Variants in SAG observed in about 807,000 individuals in gnomAD.
SAG encodes S-arrestin.
A neutral mutation model predicts 55.0 loss-of-function variants in SAG; 45 were observed. That is an observed-to-expected ratio of 0.82 (90% CI 0.64 to 1.05). The LOEUF is 1.05. Ranked by LOEUF, SAG falls within the 50% of genes least tolerant of loss-of-function variation. The pLI is 0.00. For missense variants in SAG, 455 were observed against 512.1 expected, an observed-to-expected ratio of 0.89 and a Z score of 1.08; for synonymous variants, 189 against 197.4, an observed-to-expected ratio of 0.96 and a Z score of 0.36.
At chr2:233,309,649 A>C (rs1700023702) in intron 2 of SAG, among the ~76,000 whole-genome samples, 1 of 151,276 alleles carries the variant, frequency 6.6e-6, no homozygotes, top group African/African-American at 2.4e-5. Flanking sequence ...TGTCTCAAAT[A>C]AAAAACAAAC....
At chr2:233,321,947 A>T (rs1486786374) in intron 5 of SAG, among the ~76,000 whole-genome samples, 1 of 150,912 alleles carries the variant, frequency 6.6e-6, no homozygotes, top group Non-Finnish European at 1.5e-5. Flanking sequence ...GATTGAGACC[A>T]TCTTGGCTAA....
At chr2:233,315,954 C>A in intron 2 of SAG, 121 bp from the exon 3 acceptor site, 1 of 643,186 alleles carries the variant, frequency 1.6e-6, no homozygotes, top group Non-Finnish European at 2.8e-6. Context: ...CCCGCCTTGG[C>A]CTCCCAAAGT....
chr2:233,321,890 C>G (rs1700389548), intron 5 of SAG, among the ~76,000 whole-genome samples: 1 of 151,874 alleles, frequency 6.6e-6, no homozygotes, highest in African/African-American at 2.4e-5. Flanking sequence ...GACAATATGT[C>G]AACACGTATT....
intron 1 of SAG, among the ~76,000 whole-genome samples, chr2:233,308,674 G>T (rs1406878496): frequency 6.6e-6 from 1 of 152,002 alleles, no homozygotes; most frequent in African/African-American, 2.4e-5. Flanking sequence ...TGATCCTCTC[G>T]CTTCAGCCTC....
At position 233,340,466 on chromosome 2, in the gene SAG, A is replaced by C; in HGVS notation, c.1034A>C (p.Glu345Ala). Residue 345 changes from glutamate to alanine, a missense_variant, in exon 13 of 16, where the codon GAG becomes GCG. Transcript: ENST00000409110. The surrounding 1 kb of genome is among the most constrained non-coding windows in gnomAD (Gnocchi z 4.2). ...VKLTVSGFLG[E>A]LTSSEVATEV... ...TTTGTGTTTTCTAGCTTTCTGGGAG[A>C]GCTCACCTCCAGGTAAGCCTGTTCA... 1 of 1,611,120 alleles carries C rather than the reference A, an allele frequency of 6.2e-7. No homozygotes were observed. The highest frequency in any genetic ancestry group is 8.5e-7 in the Non-Finnish European group (1 of 1,178,456).
chr2:233,314,981 T>C (rs1028888781), intron 2 of SAG, among the ~76,000 whole-genome samples: 8 of 152,224 alleles, frequency 5.3e-5, no homozygotes, highest in Admixed American at 5.2e-4. Context: ...CTGTGTGTCC[T>C]AGACTCTGCA....
intron 2 of SAG, among the ~76,000 whole-genome samples, chr2:233,311,151 C>T (rs1269796562): frequency 1.3e-5 from 2 of 152,130 alleles, no homozygotes; most frequent in Admixed American, 6.5e-5. Context: ...ATTCCTGTCT[C>T]ATGTATTCAG....
intron 11 of SAG, among the ~76,000 whole-genome samples, chr2:233,336,010 A>G (rs1172198909): frequency 2.6e-5 from 4 of 152,266 alleles, no homozygotes; most frequent in Admixed American, 2.6e-4. Flanking sequence ...CAATTGGCAG[A>G]AAGCAGGTGG....
intron 6 of SAG, among the ~76,000 whole-genome samples, chr2:233,324,208 G>A (rs761584322): frequency 6.6e-5 from 10 of 152,062 alleles, no homozygotes; most frequent in African/African-American, 2.2e-4. Flanking sequence ...CCCGGGCAAC[G>A]TGGCGAGACC....
At chr2:233,313,986 G>A (rs1364073350) in intron 2 of SAG, among the ~76,000 whole-genome samples, 6 of 151,940 alleles carry the variant, frequency 3.9e-5, no homozygotes, top group Admixed American at 6.6e-5. Flanking sequence ...CTGGAAGGCC[G>A]AGGTGGGTGG....
rs1326630887 is a variant in SAG, at chr2:233,319,519, CAACATCAAGGA to C, written c.181+726_181+736del. On this transcript the variant is annotated intron_variant, in intron 4 of 15. Transcript: ENST00000409110. This position sits in a 1 kb window ranked among gnomAD's most constrained non-coding sequence, Gnocchi z 4.4. ...ATGCCTTTTTGAGTGTTGCTACTGG[CAACATCAAGGA>C]ATTGTTCAGAACCCTGGATGTGCCA... The C allele has an allele frequency of 2.4e-5, 22 of 905,384 alleles. No homozygotes were observed. The highest frequency in any genetic ancestry group is 2.8e-5 in the Non-Finnish European group (21 of 754,646). The allele number at this position is 905,384 out of a possible 1,614,324, so 56.1% of individuals were successfully genotyped here.
intron 8 of SAG, chr2:233,329,252 T>C (rs1418823367): frequency 4.2e-6 from 2 of 473,952 alleles, no homozygotes; most frequent in Non-Finnish European, 7.7e-6. Context: ...CATAACCTCC[T>C]GACCCCTGGC....
intron 14 of SAG, chr2:233,342,596 T>A (rs1321527044): frequency 2.2e-6 from 1 of 460,674 alleles, no homozygotes; most frequent in Non-Finnish European, 3.9e-6. Context: ...GGTTTTATCA[T>A]GAATGATTTA....
chr2:233,343,804 T>C (rs1701175332), intron 14 of SAG: 1 of 999,062 alleles, frequency 1.0e-6, no homozygotes, highest in African/African-American at 1.7e-5. Context: ...ACAAGCAGGG[T>C]TTATTTTTCT....
chr2:233,330,661 G>T (rs973557009), intron 9 of SAG, among the ~76,000 whole-genome samples: 2 of 151,994 alleles, frequency 1.3e-5, no homozygotes, highest in African/African-American at 4.8e-5. Context: ...CTCCCAAGTA[G>T]CTGGGATTAC....
chr2:233,320,943 C>G, intron 5 of SAG, 120 bp downstream of exon 5: 1 of 822,162 alleles, frequency 1.2e-6, no homozygotes, highest in South Asian at 1.9e-5. Flanking sequence ...AAATTGCACC[C>G]TTGAAAGAAA....
intron 3 of SAG, among the ~76,000 whole-genome samples, chr2:233,317,064 G>A (rs1435492520): frequency 1.3e-5 from 2 of 152,116 alleles, no homozygotes; most frequent in African/African-American, 4.8e-5. Flanking sequence ...GTTTTGCCAT[G>A]TTACCCAGGC....
At chr2:233,344,506 C>T (rs1215379579) in intron 14 of SAG, 2 of 152,116 alleles carry the variant, frequency 1.3e-5, no homozygotes, top group Non-Finnish European at 2.9e-5. Context: ...CCATATACAA[C>T]TTTCACGTTC....
chr2:233,335,632 G>A (rs1044241790), intron 11 of SAG, among the ~76,000 whole-genome samples: 2 of 152,164 alleles, frequency 1.3e-5, no homozygotes, highest in Non-Finnish European at 2.9e-5. Context: ...AAGAACAGGA[G>A]GTCCTAATGA....
Sources: allele counts gnomAD v4.1 joint callset (sites outside exome capture counted in the v4.1 genomes callset), GRCh38; gene constraint gnomAD v4.1.1; non-coding constraint Gnocchi (gnomAD v3.1); transcripts MANE v1.5; gene names NCBI Gene and HGNC (gene_info 2026-07-23, HGNC 2026-07-21).